GRIP1: variants seen among roughly 807,000 people sequenced by gnomAD.
The protein encoded by GRIP1 is glutamate receptor-interacting protein 1.
In GRIP1, 45 loss-of-function variants were observed where a neutral mutation model predicts 129.9. The observed-to-expected ratio is 0.35, with a 90% CI of 0.27 to 0.44. GRIP1 has a LOEUF of 0.44. GRIP1 is among the 20% of genes least tolerant of loss of function. GRIP1 has a pLI of 1.00. For missense variants in GRIP1, 1,196 were observed against 1,396.8 expected, an observed-to-expected ratio of 0.86 and a Z score of 2.29; for synonymous variants, 530 against 520.8, an observed-to-expected ratio of 1.02 and a Z score of -0.24.
chr12:66,973,922 T>TTTC (rs2042113703), intron 1 of GRIP1, among the ~76,000 whole-genome samples: 1 of 140,700 alleles, frequency 7.1e-6, no homozygotes. Context: ...TTCTTTTCTT[T>TTTC]TTTTTTTTTT....
intron 1 of GRIP1, among the ~76,000 whole-genome samples, chr12:66,711,224 T>C (rs1008972215): frequency 7.2e-5 from 11 of 151,880 alleles, no homozygotes; most frequent in African/African-American, 2.7e-4. Context: ...AATGAGACTA[T>C]GGGATTTTAA....
intron 1 of GRIP1, among the ~76,000 whole-genome samples, chr12:66,959,167 T>G (rs942583158): frequency 2.0e-5 from 3 of 152,234 alleles, no homozygotes; most frequent in Non-Finnish European, 4.4e-5. Flanking sequence ...ACTCTTTGCC[T>G]GTTATATATT....
Position 66,785,343 on chromosome 12 carries a change from C to CATACATATATATATATATAT in GRIP1, c.-420+18709_-420+18710insATATATATATATATATGTAT, listed in dbSNP as rs377630345. 9.3e-3 allele frequency among the ~76,000 whole-genome samples: 679 copies of CATACATATATATATATATAT among 72,630 alleles called. 6 individuals are homozygous for CATACATATATATATATATAT. The highest frequency in any genetic ancestry group is 0.011 in the East Asian group (26 of 2,398). The allele number at this position is 72,630 out of a possible 152,430, so 47.6% of individuals were successfully genotyped here. ...ACATACATACATACATACATACATA[C>CATACATATATATATATATAT]ATATATATATATATATATATTAGTT... On this transcript the variant is annotated intron_variant, in intron 1 of 4. Transcript: ENST00000538373.
intron 1 of GRIP1, among the ~76,000 whole-genome samples, chr12:66,969,085 T>A (rs2042036719): frequency 6.6e-6 from 1 of 152,156 alleles, no homozygotes; most frequent in South Asian, 2.1e-4. Context: ...TCCACTGTAA[T>A]TCTTATTCTT....
chr12:66,476,142 G>T (rs2059602525), intron 7 of GRIP1, among the ~76,000 whole-genome samples: 1 of 151,880 alleles, frequency 6.6e-6, no homozygotes, highest in Non-Finnish European at 1.5e-5. Context: ...AAAGAAAAGA[G>T]GGAAGAATCA....
chr12:66,766,796 T>G (rs547054065), intron 1 of GRIP1, among the ~76,000 whole-genome samples: 1 of 152,340 alleles, frequency 6.6e-6, no homozygotes, highest in African/African-American at 2.4e-5. Flanking sequence ...TTTTATTTAG[T>G]GGAATTCCAA....
intron 1 of GRIP1, among the ~76,000 whole-genome samples, chr12:66,797,432 A>G (rs2038732280): frequency 6.6e-6 from 1 of 152,054 alleles, no homozygotes; most frequent in South Asian, 2.1e-4. Context: ...TGGGGTCTTC[A>G]GCACTCTCCA....
chr12:66,625,120 CCTTATA>C (rs1014201929), intron 1 of GRIP1, among the ~76,000 whole-genome samples: 32 of 151,824 alleles, frequency 2.1e-4, no homozygotes, highest in African/African-American at 7.7e-4. Flanking sequence ...TCTGTCATGA[CCTTATA>C]CTTATGAATC....
At chr12:66,526,068 G>C (rs923397041) in intron 5 of GRIP1, among the ~76,000 whole-genome samples, 3 of 152,124 alleles carry the variant, frequency 2.0e-5, no homozygotes, top group African/African-American at 7.2e-5. Context: ...CATACTCATC[G>C]ATAGGAAGAA....
intron 1 of GRIP1, among the ~76,000 whole-genome samples, chr12:66,938,766 G>T (rs75843347): frequency 6.6e-6 from 1 of 152,060 alleles, no homozygotes; most frequent in Non-Finnish European, 1.5e-5. Context: ...AGACCATCCT[G>T]GCCAACATGG....
At chr12:66,437,772 CACAATGTTCA>C (rs1468151938) in intron 13 of GRIP1, among the ~76,000 whole-genome samples, 1 of 152,082 alleles carries the variant, frequency 6.6e-6, no homozygotes, top group Admixed American at 6.6e-5. Context: ...CTACAGTGCA[CACAATGTTCA>C]ACAAATCACC....
chr12:66,717,142 T>C (rs1336247049), intron 1 of GRIP1, among the ~76,000 whole-genome samples: 1 of 152,122 alleles, frequency 6.6e-6, no homozygotes, highest in East Asian at 1.9e-4. Context: ...CAATAAGTTA[T>C]AGAACATACA....
At chr12:66,495,511 A>G (rs928160177) in intron 7 of GRIP1, among the ~76,000 whole-genome samples, 1 of 152,234 alleles carries the variant, frequency 6.6e-6, no homozygotes, top group South Asian at 2.1e-4. Context: ...AAGATATTAA[A>G]AAAATCTACA....
chr12:66,526,148 T>C (rs1345891461), intron 5 of GRIP1, among the ~76,000 whole-genome samples: 1 of 151,416 alleles, frequency 6.6e-6, no homozygotes, highest in Non-Finnish European at 1.5e-5. Flanking sequence ...AAGCTACCAA[T>C]GACTTTCTTC....
chr12:66,562,750 C>T (rs1368688347), intron 2 of GRIP1, among the ~76,000 whole-genome samples: 8 of 152,072 alleles, frequency 5.3e-5, no homozygotes, highest in South Asian at 2.1e-4. Context: ...GACCCCCTGC[C>T]GCACAGTTGA....
intron 1 of GRIP1, among the ~76,000 whole-genome samples, chr12:66,754,236 C>G (rs971216882): frequency 6.6e-6 from 1 of 152,114 alleles, no homozygotes. Context: ...AATAATCTAG[C>G]CACAAGTAAC....
At chr12:66,826,430 A>G (rs1250685251) in intron 1 of GRIP1, among the ~76,000 whole-genome samples, 1 of 152,166 alleles carries the variant, frequency 6.6e-6, no homozygotes, top group Non-Finnish European at 1.5e-5. Flanking sequence ...CTGCACATGT[A>G]TCCCAGAACT....
At chr12:66,824,637 A>C (rs2039376992) in intron 1 of GRIP1, among the ~76,000 whole-genome samples, 1 of 152,182 alleles carries the variant, frequency 6.6e-6, no homozygotes, top group Non-Finnish European at 1.5e-5. Context: ...ACTGTGGTTT[A>C]TATAGAGGAA....
intron 1 of GRIP1, among the ~76,000 whole-genome samples, chr12:66,951,619 A>T (rs2041759600): frequency 6.6e-6 from 1 of 152,196 alleles, no homozygotes; most frequent in South Asian, 2.1e-4. Flanking sequence ...ACTGTGGACA[A>T]TGGTTAAGTG....
Sources: allele counts gnomAD v4.1 joint callset (sites outside exome capture counted in the v4.1 genomes callset), GRCh38; gene constraint gnomAD v4.1.1; transcripts MANE v1.5; gene names NCBI Gene and HGNC (gene_info 2026-07-23, HGNC 2026-07-21).